CDK14: variants seen among roughly 807,000 people sequenced by gnomAD.
CDK14 encodes the protein cyclin dependent kinase 14.
A neutral mutation model predicts 60.7 loss-of-function variants in CDK14; 34 were observed. The ratio of observed to expected loss-of-function variants is 0.56; its 90% confidence interval spans 0.43 to 0.75. The LOEUF (loss-of-function observed/expected upper bound fraction) is 0.75, where lower values mean the gene tolerates loss of function less well. Among genes scored for constraint, CDK14 ranks in the 30% least tolerant of loss-of-function variants. The probability of loss-of-function intolerance (pLI) is 0.00; values close to 1 mark genes in which losing one functional copy is unlikely to be tolerated. For missense variants in CDK14, 482 were observed against 564.1 expected, an observed-to-expected ratio of 0.85 and a Z score of 1.47; for synonymous variants, 197 against 203.7, an observed-to-expected ratio of 0.97 and a Z score of 0.28.
chr7:90,914,332 CT>C (rs1793002479), intron 7 of CDK14, among the ~76,000 whole-genome samples: 2 of 152,180 alleles, frequency 1.3e-5, no homozygotes, highest in African/African-American at 4.8e-5. Context: ...TAGATCCACC[CT>C]TTTCTGTGCT....
chr7:91,024,581 G>A (rs1219679501), intron 10 of CDK14, among the ~76,000 whole-genome samples: 2 of 152,228 alleles, frequency 1.3e-5, no homozygotes, highest in African/African-American at 4.8e-5. Flanking sequence ...AACCTGGGAG[G>A]CAGAGGTGGC....
At chr7:90,644,787 A>G (rs1800423748) in intron 2 of CDK14, among the ~76,000 whole-genome samples, 2 of 151,924 alleles carry the variant, frequency 1.3e-5, no homozygotes, top group Non-Finnish European at 2.9e-5. Context: ...ACTCGCCACC[A>G]TAGGCCTATT....
At position 90,596,391 on chromosome 7, in the gene CDK14, C is replaced by G. The variant is rs1004374394; in HGVS notation, c.-237C>G. On this transcript the variant is annotated 5_prime_UTR_variant, in exon 1 of 15. Transcript: ENST00000380050. ...CCACCACGGCGGCGGCGAGCGCGGC[C>G]GCCCCCGGCACCACGTAAACCGCCC... is the stretch of plus-strand genomic sequence containing the variant. 9 of 220,132 alleles carry G rather than the reference C, an allele frequency of 4.1e-5. No homozygotes were observed. The highest frequency in any genetic ancestry group is 2.1e-4 in the African/African-American group (9 of 42,972). The allele number at this position is 220,132 out of a possible 1,614,324, so 13.6% of individuals were successfully genotyped here.
chr7:90,628,913 A>G (rs915915431), intron 2 of CDK14, among the ~76,000 whole-genome samples: 10 of 151,542 alleles, frequency 6.6e-5, no homozygotes, highest in Non-Finnish European at 1.5e-4. Context: ...GAAAGTTTGC[A>G]TTTTTCACAG....
chr7:91,054,726 G>A (rs573737428), intron 11 of CDK14, among the ~76,000 whole-genome samples: 2 of 152,324 alleles, frequency 1.3e-5, no homozygotes, highest in Admixed American at 1.3e-4. Flanking sequence ...TAAAGATGCA[G>A]TTTGAACAAA....
At chr7:90,644,905 C>A (rs1220325309) in intron 2 of CDK14, among the ~76,000 whole-genome samples, 1 of 152,120 alleles carries the variant, frequency 6.6e-6, no homozygotes, top group Non-Finnish European at 1.5e-5. Context: ...GAAATTCAGT[C>A]GAATTTAGCT....
chr7:90,776,073 G>A (rs930985609), intron 4 of CDK14, among the ~76,000 whole-genome samples: 1 of 151,890 alleles, frequency 6.6e-6, no homozygotes, highest in Non-Finnish European at 1.5e-5. Context: ...CATCAAACAC[G>A]GCCCTTCTCT....
chr7:90,916,869 G>A (rs1345095456), intron 7 of CDK14, among the ~76,000 whole-genome samples: 1 of 152,096 alleles, frequency 6.6e-6, no homozygotes, highest in Admixed American at 6.5e-5. Flanking sequence ...TCACAGAAAA[G>A]GCTATTAATC....
intron 14 of CDK14, among the ~76,000 whole-genome samples, chr7:91,125,238 C>A (rs1014356916): frequency 6.6e-6 from 1 of 152,088 alleles, no homozygotes; most frequent in African/African-American, 2.4e-5. Context: ...GGAGTGGGAT[C>A]AGGGAGGGCT....
At chr7:90,715,966 A>G (rs1303321967) in intron 2 of CDK14, among the ~76,000 whole-genome samples, 1 of 151,886 alleles carries the variant, frequency 6.6e-6, no homozygotes, top group South Asian at 2.1e-4. Flanking sequence ...ATCAATTTTA[A>G]TATTTCACCT....
At chr7:90,665,955 G>A (rs574770601) in intron 2 of CDK14, among the ~76,000 whole-genome samples, 32 of 152,322 alleles carry the variant, frequency 2.1e-4, no homozygotes, top group African/African-American at 7.5e-4. Flanking sequence ...AACTATAGGT[G>A]TGACCATAGC....
intron 10 of CDK14, among the ~76,000 whole-genome samples, chr7:90,986,241 A>G (rs1795369149): frequency 6.6e-6 from 1 of 152,064 alleles, no homozygotes; most frequent in Non-Finnish European, 1.5e-5. Flanking sequence ...CCATATTGAT[A>G]GCTTGTTTTC....
chr7:90,763,393 A>T (rs1029956558), intron 4 of CDK14, among the ~76,000 whole-genome samples: 1 of 152,082 alleles, frequency 6.6e-6, no homozygotes, highest in African/African-American at 2.4e-5. Flanking sequence ...GTTCAAAGAG[A>T]CCAGATCCAA....
chr7:91,103,901 C>A (rs1355413887), intron 12 of CDK14, among the ~76,000 whole-genome samples: 1 of 151,114 alleles, frequency 6.6e-6, no homozygotes, highest in Non-Finnish European at 1.5e-5. Flanking sequence ...TAGAAAAATG[C>A]AGAAAATTCT....
At chr7:90,881,303 A>G (rs994042536) in intron 6 of CDK14, among the ~76,000 whole-genome samples, 1 of 152,238 alleles carries the variant, frequency 6.6e-6, no homozygotes, top group Non-Finnish European at 1.5e-5. Context: ...AGCATACAGA[A>G]TATCAACAGC....
intron 14 of CDK14, among the ~76,000 whole-genome samples, chr7:91,176,812 A>G (rs2115845325): frequency 6.6e-6 from 1 of 152,034 alleles, no homozygotes; most frequent in South Asian, 2.1e-4. Context: ...TTGTGGCAAT[A>G]ATCAATAGCT....
intron 14 of CDK14, among the ~76,000 whole-genome samples, chr7:91,169,136 T>A (rs1189860941): frequency 6.6e-6 from 1 of 152,248 alleles, no homozygotes; most frequent in Non-Finnish European, 1.5e-5. Flanking sequence ...CATGTCCACT[T>A]TCCTTACATT....
intron 4 of CDK14, among the ~76,000 whole-genome samples, chr7:90,780,987 C>A (rs1435921510): frequency 1.3e-5 from 2 of 151,918 alleles, no homozygotes; most frequent in Admixed American, 6.6e-5. Context: ...CACTGACTTC[C>A]ACAATGGTTG....
intron 2 of CDK14, among the ~76,000 whole-genome samples, chr7:90,685,491 C>A (rs1323427495): frequency 6.6e-6 from 1 of 151,480 alleles, no homozygotes; most frequent in Non-Finnish European, 1.5e-5. Flanking sequence ...TATTATATTT[C>A]TTTAGAGATA....
Sources: allele counts gnomAD v4.1 joint callset (sites outside exome capture counted in the v4.1 genomes callset), GRCh38; gene constraint gnomAD v4.1.1; transcripts MANE v1.5; gene names NCBI Gene and HGNC (gene_info 2026-07-23, HGNC 2026-07-21).